The following ERBB3 variants were observed in gnomAD, a reference collection of about 807,000 sequenced individuals.
ERBB3 encodes erb-b2 receptor tyrosine kinase 3, also known as receptor tyrosine-protein kinase erbB-3.
A neutral mutation model predicts 156.7 loss-of-function variants in ERBB3; 96 were observed. The ratio of observed to expected loss-of-function variants is 0.61; its 90% CI spans 0.52 to 0.73. ERBB3 has a LOEUF of 0.73. ERBB3 is among the 30% of genes least tolerant of loss of function. The probability of loss-of-function intolerance (pLI) is 0.00; values close to 1 mark genes in which losing one functional copy is unlikely to be tolerated. For synonymous variants in ERBB3, 567 were observed against 632.0 expected, an observed-to-expected ratio of 0.90 and a Z score of 1.54; for missense variants, 1,406 against 1,709.4, an observed-to-expected ratio of 0.82 and a Z score of 3.13.
intron 13 of ERBB3, 34 bp downstream of exon 13, chr12:56,093,930 G>C: frequency 1.2e-6 from 2 of 1,613,032 alleles, no homozygotes; most frequent in Non-Finnish European, 1.7e-6. Context: ...GGATGGGTGG[G>C]GGTGGGGCCC....
Position 56,086,631 on chromosome 12 carries a change from A to T in ERBB3, c.522A>T (p.Ile174=). The change falls in exon 4 of 28, where the codon ATA becomes ATT. Residue 174 remains isoleucine (I), a synonymous_variant. Coordinates refer to ENST00000267101, the MANE Select transcript of ERBB3 (RefSeq NM_001982.4). Reference sequence around the variant, plus strand: ...TCGTGAGGGACCGAGATGCTGAGATAGTGGTGAAGGACAATGGCAGAAGCT... The same window carrying T: ...TCGTGAGGGACCGAGATGCTGAGATTGTGGTGAAGGACAATGGCAGAAGCT... The part of the protein sequence containing the change: ...RDIVRDRDAE[I]VVKDNGRSCP... 6.2e-7 allele frequency: 1 copy of T among 1,614,132 alleles called. No individual in the cohort carries two copies. The highest frequency in any genetic ancestry group is 8.5e-7 in the Non-Finnish European group (1 of 1,180,006).
At position 56,091,287 on chromosome 12, in the gene ERBB3, T is replaced by TATATAAATA. The variant is rs1565858500; in HGVS notation, c.1110-1455_1110-1454insAATAATATA. On this transcript the variant is annotated intron_variant, in intron 9 of 27. Coordinates refer to ENST00000267101, the MANE Select transcript of ERBB3 (RefSeq NM_001982.4). ...AATTTTATATATATATATATATATA[T>TATATAAATA]ATATATATAAATAATATATATAAAT... 2.0e-4 allele frequency among the ~76,000 whole-genome samples: 12 copies of TATATAAATA among 61,412 alleles called. No homozygotes were observed. The East Asian group carries it at 3.1e-3, about 16-fold the overall frequency. 40.3% of individuals were successfully genotyped at this position (61,412 alleles called of 152,430 possible).
At position 56,097,078 on chromosome 12, in the gene ERBB3, C is replaced by T. The variant is rs371109792; in HGVS notation, c.2308C>T (p.His770Tyr). 4 of 1,613,986 alleles carry T rather than the reference C, an allele frequency of 2.5e-6. No individual in the cohort carries two copies. In the African/African-American group the frequency reaches 5.3e-5, roughly 22 times the overall value. The part of the protein sequence containing the change: ...MLAIGSLDHA[H>Y]IVRLLGLCPG... ...GGCCATTGGCAGCCTGGACCATGCC[C>T]ACATTGTAAGGCTGCTGGGACTATG... Residue 770 changes from histidine to tyrosine, a missense_variant, in exon 20 of 28, where the codon CAC becomes TAC. Physicochemically the swap from His to Tyr is moderately conservative, Grantham distance 83. Coordinates refer to ENST00000267101, the MANE Select transcript of ERBB3 (RefSeq NM_001982.4).
intron 13 of ERBB3, 21 bp from the exon 14 acceptor site, chr12:56,094,078 T>A: frequency 1.3e-6 from 2 of 1,580,194 alleles, no homozygotes; most frequent in Non-Finnish European, 1.7e-6. Context: ...GACCCCCCCC[T>A]CCCTTTATTC....
chr12:56,080,289 C>A lies in ERBB3; in HGVS notation c.-12C>A. On this transcript the variant is annotated 5_prime_UTR_variant, in exon 1 of 28. Transcript: ENST00000267101. ...CGGACTTGGCTGGGCTCCCTTCACC[C>A]TCTGCGGAGTCATGAGGGCGAACGA... 1 of 1,557,850 alleles carries A rather than the reference C, an allele frequency of 6.4e-7. No individual in the cohort carries two copies. Among genetic ancestry groups the A allele is most frequent in the East Asian group, 2.4e-5 (1 of 41,848 alleles).
At chr12:56,091,266 T>TTATATATATATATATATATA (rs199547778) in intron 9 of ERBB3, among the ~76,000 whole-genome samples, 21 of 43,410 alleles carry the variant, frequency 4.8e-4, no homozygotes, top group African/African-American at 2.3e-3. Context: ...TTGGCTAATT[T>TTATATATATATATATATATA]TATATATATA....
intron 11 of ERBB3, 73 bp downstream of exon 11, chr12:56,093,149 T>C: frequency 1.6e-6 from 2 of 1,285,440 alleles, no homozygotes; most frequent in Non-Finnish European, 2.3e-6. Flanking sequence ...TTTAGTAAAA[T>C]ACAAGGCACT....
intron 1 of ERBB3, among the ~76,000 whole-genome samples, chr12:56,082,852 C>G (rs1868370355): frequency 6.6e-6 from 1 of 152,146 alleles, no homozygotes; most frequent in Non-Finnish European, 1.5e-5. Flanking sequence ...CCTCTTCTAA[C>G]AATGAAATTG....
rs756121964 is a variant in ERBB3 at position 56,100,241 on chromosome 12, G to A, written c.3197G>A (p.Cys1066Tyr). Reference sequence around the variant, plus strand: ...AACCAGGGTAATCTTGGGGAGTCTTGCCAGGTAAGTTCTGTTGCTGAGAGG... The same window carrying A: ...AACCAGGGTAATCTTGGGGAGTCTTACCAGGTAAGTTCTGTTGCTGAGAGG... ...PMNQGNLGES[C>Y]QESAVSGSSE... The change falls in exon 26 of 28, where the codon TGC becomes TAC. Residue 1066 changes from cysteine to tyrosine, a missense_variant. Around this residue, in one of 3 missense-constraint regions of ERBB3, gnomAD observed 415 missense variants for 454.1 expected, o/e 0.91. Coordinates refer to ENST00000267101, the MANE Select transcript of ERBB3 (RefSeq NM_001982.4). 6.2e-7 allele frequency: 1 copy of A among 1,613,174 alleles called. No homozygotes were observed. Among genetic ancestry groups the A allele is most frequent in the South Asian group, 1.1e-5 (1 of 91,056 alleles).
intron 3 of ERBB3, among the ~76,000 whole-genome samples, chr12:56,086,191 C>T (rs867848266): frequency 9.2e-5 from 14 of 152,216 alleles, no homozygotes; most frequent in Admixed American, 1.3e-4. Context: ...TTAAAAACCA[C>T]CTGTCCATCT....
chr12:56,098,716 T>A (rs1368248249), intron 22 of ERBB3, 43 bp from the exon 23 acceptor site: 1 of 1,612,060 alleles, frequency 6.2e-7, no homozygotes, highest in African/African-American at 1.3e-5. Context: ...CATGCCCATG[T>A]CTACTATTTT....
chr12:56,096,167 G>A (rs1868882559), intron 17 of ERBB3: 1 of 508,904 alleles, frequency 2.0e-6, no homozygotes. Context: ...GATGATGTAT[G>A]TGAAAGTGCT....
intron 3 of ERBB3, chr12:56,085,559 A>C: frequency 1.8e-6 from 1 of 566,320 alleles, no homozygotes; most frequent in Non-Finnish European, 2.6e-6. Flanking sequence ...AGCCTGGCCA[A>C]CATGGCGAAA....
chr12:56,099,050 T>A (rs1049147416), intron 23 of ERBB3, 145 bp downstream of exon 23: 1 of 750,840 alleles, frequency 1.3e-6, no homozygotes, highest in African/African-American at 1.8e-5. Context: ...CCTCCGCCTC[T>A]CGGGTTCAAG....
At chr12:56,085,325 C>T (rs1868442652) in intron 3 of ERBB3, 144 bp downstream of exon 3, 1 of 1,532,870 alleles carries the variant, frequency 6.5e-7, no homozygotes, top group Non-Finnish European at 8.8e-7. Flanking sequence ...GTCCATTGCT[C>T]CCTAAGCAAT....
At position 56,081,306 on chromosome 12, in the gene ERBB3, C is replaced by T. The variant is rs375320188; in HGVS notation, c.82+924C>T. ...GGATTGCTCTTCTCCAGTCCTCCCC[C>T]GACTCCCATGCTATCTGAGCCCACC... On this transcript the variant is annotated intron_variant, in intron 1 of 27. Coordinates refer to ENST00000267101, the MANE Select transcript of ERBB3 (RefSeq NM_001982.4). Among the ~76,000 whole-genome samples, 136 of 152,310 alleles carry T rather than the reference C, an allele frequency of 8.9e-4. 3 individuals are homozygous for T. The South Asian group carries it at 0.027, about 30-fold the overall frequency.
chr12:56,102,051 C>G lies in ERBB3; in HGVS notation c.4025C>G (p.Thr1342Arg), dbSNP rs140679673. ...TTCCCCAAGGCTAATGCCCAGAGAA[C>G]GTAACTCCTGCTCCCTGTGGCACTC... ...RLFPKANAQRT is the reference protein window; with the variant it reads ...RLFPKANAQRR Residue 1342 changes from threonine (T) to arginine (R), a missense_variant, in exon 28 of 28, where the codon ACG (threonine) becomes AGG (arginine). Thr to Arg is a moderately conservative substitution (Grantham distance 71). This residue lies in a region of ERBB3 where 415 missense variants were observed against 454.1 expected (regional missense o/e 0.91). Coordinates refer to ENST00000267101, the MANE Select transcript of ERBB3 (RefSeq NM_001982.4). 1.2e-6 allele frequency: 2 copies of G among 1,607,620 alleles called. No homozygotes were observed. The highest frequency in any genetic ancestry group is 2.2e-5 in the East Asian group (1 of 44,872).
intron 7 of ERBB3, 111 bp from the exon 8 acceptor site, chr12:56,088,432 G>A (rs1055338564): frequency 3.9e-5 from 37 of 940,830 alleles, no homozygotes; most frequent in African/African-American, 9.7e-5. Context: ...TGGCAGATGG[G>A]GACAAATCCA....
In ERBB3 at chr12:56,098,532, C is replaced by A. The variant is rs749784326; in HGVS notation, c.2649C>A (p.Ile883=). 8 of 1,613,644 alleles carry A rather than the reference C, an allele frequency of 5.0e-6. No homozygotes were observed. Among genetic ancestry groups the A allele is most frequent in the Non-Finnish European group, 8.5e-7 (1 of 1,179,530 alleles). The change falls in exon 22 of 28, where the codon ATC becomes ATA. Residue 883 remains isoleucine, a synonymous_variant. Coordinates refer to ENST00000267101, the MANE Select transcript of ERBB3 (RefSeq NM_001982.4). ...TTAAGTGGATGGCCCTTGAGAGTAT[C>A]CACTTTGGGAAATACACACACCAGA... is the stretch of plus-strand genomic sequence containing the variant. The part of the protein sequence containing the change: ...TPIKWMALES[I]HFGKYTHQSD...
Sources: gnomAD v4.1 joint callset for allele counts (sites outside exome capture counted in the v4.1 genomes callset) on GRCh38, gnomAD v4.1.1 for gene constraint, gnomAD v4.1.1 regional missense constraint, MANE v1.5 for transcripts, NCBI Gene and HGNC (gene_info 2026-07-23, HGNC 2026-07-21) for gene names.